The following TAAR1 variants were observed in gnomAD, a reference collection of about 807,000 sequenced individuals.
TAAR1 encodes the protein trace amine associated receptor 1.
In TAAR1, 1 loss-of-function variant was observed where a neutral mutation model predicts 1.2. The observed-to-expected ratio is 0.81, with a 90% CI of 0.29 to 3.86. The LOEUF (loss-of-function observed/expected upper bound fraction) is 3.86. Among genes scored for constraint, TAAR1 ranks in the 30% most tolerant of loss-of-function variants. The probability of loss-of-function intolerance (pLI) is 0.18; values close to 1 mark genes in which losing one functional copy is unlikely to be tolerated. For missense variants in TAAR1, 445 were observed against 405.6 expected (o/e 1.10, Z -0.83); for synonymous variants, 153 against 132.2 (o/e 1.16, Z -1.08).
At chr6:132,652,496 G>A (rs1172928631) in intron 1 of TAAR1, among the ~76,000 whole-genome samples, 8 of 150,214 alleles carry the variant, frequency 5.3e-5, no homozygotes, top group African/African-American at 1.2e-4. Context: ...TAGTAGAGGC[G>A]GGGTTTCACC....
rs146384586 is a variant in TAAR1 at position 132,645,503 on chromosome 6, G to A, written c.501C>T (p.Gly167=). The A allele has an allele frequency of 8.7e-6, 14 of 1,613,578 alleles. No homozygotes were observed. Among genetic ancestry groups the A allele is most frequent in the Non-Finnish European group, 1.2e-5 (14 of 1,179,836 alleles). ...GMIFLELNFK[G]AEEIYYKHVH... ...CATGTTTGTAATATATCTCTTCAGC[G>A]CCTTTGAAGTTTAGCTCCAGAAAGA... Residue 167 remains glycine, a synonymous_variant, in exon 2 of 2, where the codon GGC becomes GGT. Coordinates refer to ENST00000275216, the MANE Select transcript of TAAR1 (RefSeq NM_138327.4).
Position 132,643,357 on chromosome 6 carries a change from ACTCACAGGTGAAAAAAGTCAAACTGGT to A in TAAR1, c.*1600_*1626del, listed in dbSNP as rs1777619492. 6.6e-6 allele frequency among the ~76,000 whole-genome samples: 1 copy of A among 152,044 alleles called. No individual in the cohort carries two copies. The highest frequency in any genetic ancestry group is 1.9e-4 in the East Asian group (1 of 5,188). On this transcript the variant is annotated 3_prime_UTR_variant, in exon 2 of 2. Coordinates refer to ENST00000275216, the MANE Select transcript of TAAR1 (RefSeq NM_138327.4). Reference sequence around the variant, plus strand: ...TCCTTTTTAAAATTTGACAGACTGGACTCACAGGTGAAAAAAGTCAAACTGGTCTCACAGGTGAAAAAAACTCTTTTG... The same window carrying A: ...TCCTTTTTAAAATTTGACAGACTGGACTCACAGGTGAAAAAAACTCTTTTG...
At chr6:132,652,756 A>G (rs971001691) in intron 1 of TAAR1, among the ~76,000 whole-genome samples, 11 of 151,058 alleles carry the variant, frequency 7.3e-5, no homozygotes, top group Non-Finnish European at 1.5e-4. Context: ...TTTATTTTAT[A>G]TTATTGACTC....
chr6:132,645,321 T>C lies in TAAR1; in HGVS notation c.683A>G (p.Asn228Ser). Residue 228 changes from asparagine (N) to serine (S), a missense_variant, in exon 2 of 2, where the codon AAT becomes AGT. Asn to Ser is a conservative substitution (Grantham distance 46). Transcript: ENST00000275216. ...KEQARLISDA[N>S]QKLQIGLEMK... ...TTCCAATCCAATTTGGAGCTTCTGA[T>C]TGGCATCACTAATTAATCTTGCCTG... 1.2e-6 allele frequency: 2 copies of C among 1,613,644 alleles called. No individual in the cohort carries two copies. Among genetic ancestry groups the C allele is most frequent in the South Asian group, 1.1e-5 (1 of 91,068 alleles).
chr6:132,654,306 G>C (rs897307255), intron 1 of TAAR1, among the ~76,000 whole-genome samples: 1 of 152,212 alleles, frequency 6.6e-6, no homozygotes, highest in African/African-American at 2.4e-5. Context: ...GTTCGCATCA[G>C]TGTTTCTGGG....
Position 132,645,233 on chromosome 6 carries a change from C to T in TAAR1, c.771G>A (p.Met257Ile). 3 of 1,613,664 alleles carry T rather than the reference C, an allele frequency of 1.9e-6. No individual in the cohort carries two copies. The highest frequency in any genetic ancestry group is 2.5e-6 in the Non-Finnish European group (3 of 1,179,748). ...GGCACCAGCATATTAGGAAAACTCC[C>T]ATCACAATCCCCAATGTCTTCACAG... ...RKAVKTLGIV[M>I]GVFLICWCPF... The change falls in exon 2 of 2, where the codon ATG becomes ATA. Residue 257 changes from methionine to isoleucine, a missense_variant. By Grantham distance (10) the Met-to-Ile change is conservative. Transcript: ENST00000275216.
chr6:132,647,629 AAAGAAAG>A (rs1562203029), intron 1 of TAAR1, among the ~76,000 whole-genome samples: 4 of 81,758 alleles, frequency 4.9e-5, no homozygotes, highest in African/African-American at 3.3e-4. Context: ...AAAAGGAAAG[AAAGAAAG>A]AAAGAAAGAA....
intron 1 of TAAR1, among the ~76,000 whole-genome samples, chr6:132,653,048 A>G (rs780757640): frequency 2.6e-5 from 4 of 152,134 alleles, no homozygotes; most frequent in Non-Finnish European, 4.4e-5. Context: ...AACAAAGCCT[A>G]GGGGAGGCGG....
chr6:132,650,063 C>T (rs1395701258), intron 1 of TAAR1, among the ~76,000 whole-genome samples: 1 of 152,164 alleles, frequency 6.6e-6, no homozygotes, highest in Non-Finnish European at 1.5e-5. Flanking sequence ...GCCTCCATCT[C>T]ATCTCACCTT....
In TAAR1 at chr6:132,645,849, T is replaced by C; in HGVS notation, c.155A>G (p.Lys52Arg). The C allele has an allele frequency of 6.2e-7, 1 of 1,613,818 alleles. No individual in the cohort carries two copies. The highest frequency in any genetic ancestry group is 8.5e-7 in the Non-Finnish European group (1 of 1,179,806). The change falls in exon 2 of 2, where the codon AAA (lysine) becomes AGA (arginine). Residue 52 changes from lysine to arginine, a missense_variant. Physicochemically the swap from Lys to Arg is conservative, Grantham distance 26. Coordinates refer to ENST00000275216, the MANE Select transcript of TAAR1 (RefSeq NM_138327.4). ...CCAATTTGTTGGGGTATGAAGTTGT[T>C]TGAAGTGTGATATAGAAACAATAAC... ...LIVIVSISHFKQLHTPTNWLI... is the reference protein window; with the variant it reads ...LIVIVSISHFRQLHTPTNWLI...
chr6:132,647,362 GCACA>G (rs55908881), intron 1 of TAAR1, among the ~76,000 whole-genome samples: 18,022 of 140,410 alleles, frequency 0.13, 1,318 homozygotes, highest in African/African-American at 0.19. Context: ...ACATACGCAT[GCACA>G]CACACACACA....
At chr6:132,649,837 G>A (rs66987863) in intron 1 of TAAR1, among the ~76,000 whole-genome samples, 9,458 of 152,016 alleles carry the variant, frequency 0.062, 334 homozygotes, top group East Asian at 0.11. Flanking sequence ...ATTTGAGTGG[G>A]GACACAAACC....
chr6:132,653,267 T>C (rs1172362783), intron 1 of TAAR1, among the ~76,000 whole-genome samples: 2 of 152,198 alleles, frequency 1.3e-5, no homozygotes, highest in African/African-American at 4.8e-5. Context: ...TAGTGTGTCC[T>C]TACCCGAATG....
intron 1 of TAAR1, among the ~76,000 whole-genome samples, chr6:132,647,446 G>A (rs1329777293): frequency 6.8e-6 from 1 of 148,000 alleles, no homozygotes; most frequent in Non-Finnish European, 1.5e-5. Context: ...AGAGGGGGGA[G>A]AGAGAGAGAA....
At chr6:132,655,673 A>T (rs1404639640) in intron 1 of TAAR1, among the ~76,000 whole-genome samples, 2 of 152,110 alleles carry the variant, frequency 1.3e-5, no homozygotes, top group Non-Finnish European at 2.9e-5. Flanking sequence ...TAACAGTATC[A>T]CTCCGATTGC....
chr6:132,651,444 G>A (rs1218866819), intron 1 of TAAR1, among the ~76,000 whole-genome samples: 1 of 152,122 alleles, frequency 6.6e-6, no homozygotes, highest in Non-Finnish European at 1.5e-5. Flanking sequence ...CCTGTGCCTA[G>A]CTTCTCCTTC....
intron 1 of TAAR1, among the ~76,000 whole-genome samples, chr6:132,651,087 C>T (rs774946395): frequency 2.0e-5 from 3 of 152,154 alleles, no homozygotes; most frequent in Non-Finnish European, 4.4e-5. Context: ...GTTATCAGGC[C>T]TCAAGTTCTT....
chr6:132,658,277 G>A (rs970803675), intron 1 of TAAR1, among the ~76,000 whole-genome samples: 1 of 152,100 alleles, frequency 6.6e-6, no homozygotes, highest in Non-Finnish European at 1.5e-5. Flanking sequence ...ATGAAACATT[G>A]CTGGAAGTGA....
chr6:132,654,249 A>T (rs550771504), intron 1 of TAAR1, among the ~76,000 whole-genome samples: 71 of 152,350 alleles, frequency 4.7e-4, no homozygotes, highest in African/African-American at 1.7e-3. Flanking sequence ...ACACTTTCAA[A>T]TCTAGCAAGG....
Sources: gnomAD v4.1 joint callset for allele counts (sites outside exome capture counted in the v4.1 genomes callset) on GRCh38, gnomAD v4.1.1 for gene constraint, MANE v1.5 for transcripts, NCBI Gene and HGNC (gene_info 2026-07-23, HGNC 2026-07-21) for gene names.